Variants in KCNMA1 observed in about 807,000 individuals in gnomAD.
KCNMA1 encodes Calcium-activated potassium channel subunit alpha-1.
In KCNMA1, 29 loss-of-function variants were observed where a neutral mutation model predicts 140.0. That is an observed-to-expected ratio of 0.21 (90% CI 0.15 to 0.28). KCNMA1 has a LOEUF of 0.28. Ranked by LOEUF, KCNMA1 falls within the 10% of genes least tolerant of loss-of-function variation. KCNMA1 has a pLI of 1.00. For synonymous variants in KCNMA1, 612 were observed against 611.9 expected (o/e 1.00, Z 0.00); for missense variants, 880 against 1,602.2 (o/e 0.55, Z 7.70).
chr10:76,938,578 C>T (rs1591319441), intron 23 of KCNMA1, among the ~76,000 whole-genome samples: 1 of 152,216 alleles, frequency 6.6e-6, no homozygotes, highest in East Asian at 1.9e-4. Context: ...TCCCATCACT[C>T]TCTTGCTTTG....
At chr10:77,004,674 AAAATT>A (rs1251409966) in intron 18 of KCNMA1, among the ~76,000 whole-genome samples, 1 of 152,214 alleles carries the variant, frequency 6.6e-6, no homozygotes, top group Non-Finnish European at 1.5e-5. Context: ...CTTAAGTTGT[AAAATT>A]AAATTATATC....
intron 20 of KCNMA1, among the ~76,000 whole-genome samples, chr10:76,969,629 C>T (rs966839634): frequency 2.6e-5 from 4 of 152,200 alleles, no homozygotes; most frequent in Middle Eastern, 3.2e-3. Flanking sequence ...ACTAACCACA[C>T]GAGTTTCTCT....
chr10:76,914,548 C>CTCAGA, intron 24 of KCNMA1: 1 of 333,260 alleles, frequency 3.0e-6, no homozygotes, highest in Non-Finnish European at 5.6e-6. Context: ...CAGTGGAGGA[C>CTCAGA]TCAGATTGTA....
chr10:77,014,210 G>A lies in KCNMA1; in HGVS notation c.2016-2167C>T, dbSNP rs183451035. Among the ~76,000 whole-genome samples the A allele has an allele frequency of 5.3e-3, 812 of 152,212 alleles. 6 individuals are homozygous for A. The highest frequency in any genetic ancestry group is 8.3e-3 in the Non-Finnish European group (567 of 68,014). ...TGGGAGGCTGATGTGGATAGATCAC[G>A]AGGCCAGGAGTTTGAGACCAGCCTG... On this transcript the variant is annotated intron_variant, in intron 17 of 27. Coordinates refer to ENST00000286628, the MANE Select transcript of KCNMA1 (RefSeq NM_001161352.2).
chr10:77,631,312 A>G (rs2093180530), intron 1 of KCNMA1, among the ~76,000 whole-genome samples: 2 of 152,094 alleles, frequency 1.3e-5, no homozygotes, highest in African/African-American at 2.4e-5. Flanking sequence ...AAGCAGTTCT[A>G]AAAGAGACAT....
intron 19 of KCNMA1, among the ~76,000 whole-genome samples, chr10:76,977,082 C>T (rs915507044): frequency 2.0e-5 from 3 of 152,276 alleles, no homozygotes; most frequent in African/African-American, 7.2e-5. Context: ...CTCCCTACTC[C>T]CTACTCCTGA....
intron 24 of KCNMA1, chr10:76,913,926 A>G (rs2051494978): frequency 1.5e-6 from 1 of 668,904 alleles, no homozygotes; most frequent in African/African-American, 1.8e-5. Context: ...CAAATAAAAC[A>G]CATTCAAAGC....
chr10:77,269,660 G>A (rs1309129794), intron 2 of KCNMA1, among the ~76,000 whole-genome samples: 2 of 152,174 alleles, frequency 1.3e-5, no homozygotes, highest in Non-Finnish European at 2.9e-5. Context: ...AACAGCCAAT[G>A]GGTGGGATCT....
At chr10:77,017,873 T>G (rs188067899) in intron 17 of KCNMA1, among the ~76,000 whole-genome samples, 4,564 of 120,370 alleles carry the variant, frequency 0.038, 88 homozygotes, top group South Asian at 0.071. Flanking sequence ...CTCATGGGGT[T>G]GCGTGAGAGT....
intron 2 of KCNMA1, among the ~76,000 whole-genome samples, chr10:77,255,438 A>G (rs1228034483): frequency 1.3e-5 from 2 of 152,044 alleles, no homozygotes; most frequent in East Asian, 3.9e-4. Flanking sequence ...TGGCTCTACC[A>G]AAAAATGCAA....
At chr10:76,889,319 G>T (rs2038865838) in intron 27 of KCNMA1, 132 bp downstream of exon 27, 3 of 699,126 alleles carry the variant, frequency 4.3e-6, no homozygotes, top group Non-Finnish European at 7.6e-6. Context: ...CTCAGTGTTG[G>T]ATTTAATATG....
chr10:77,265,209 G>A (rs553329668), intron 2 of KCNMA1, among the ~76,000 whole-genome samples: 23 of 152,016 alleles, frequency 1.5e-4, no homozygotes, highest in East Asian at 1.2e-3. Context: ...GCACCACCAC[G>A]CCCAGCTAAG....
At chr10:77,362,083 C>G (rs375510960) in intron 2 of KCNMA1, among the ~76,000 whole-genome samples, 2 of 152,162 alleles carry the variant, frequency 1.3e-5, no homozygotes, top group African/African-American at 4.8e-5. Context: ...GCCTCTCCTG[C>G]GCTGTGTCCT....
intron 24 of KCNMA1, chr10:76,910,395 T>C: frequency 5.2e-6 from 2 of 387,142 alleles, no homozygotes; most frequent in South Asian, 4.4e-5. Context: ...AGCTTTAGGA[T>C]CATGACCTAA....
intron 19 of KCNMA1, among the ~76,000 whole-genome samples, chr10:76,998,779 T>G (rs971975457): frequency 1.3e-5 from 2 of 152,212 alleles, no homozygotes; most frequent in African/African-American, 4.8e-5. Context: ...GGATTGCTAT[T>G]GGAGCACTGC....
intron 23 of KCNMA1, among the ~76,000 whole-genome samples, chr10:76,920,020 G>GTGTGTGTATATATATATA (rs1177257916): frequency 2.9e-5 from 1 of 34,406 alleles, no homozygotes; most frequent in African/African-American, 1.1e-4. Context: ...GTGTGTGTGT[G>GTGTGTGTATATATATATA]TATATATATA....
chr10:76,876,039 A>T (rs2032318139), downstream of KCNMA1: 1 of 152,552 alleles, frequency 6.6e-6, no homozygotes, highest in Admixed American at 6.5e-5. Context: ...TACGAGGTGG[A>T]AGCACGACTA....
At chr10:77,181,122 G>A (rs1366777040) in intron 5 of KCNMA1, among the ~76,000 whole-genome samples, 1 of 152,136 alleles carries the variant, frequency 6.6e-6, no homozygotes, top group Non-Finnish European at 1.5e-5. Flanking sequence ...CAGGCCCACA[G>A]GGGACCAAGA....
chr10:77,599,331 C>CTT (rs1268765205), intron 1 of KCNMA1, among the ~76,000 whole-genome samples: 1 of 152,206 alleles, frequency 6.6e-6, no homozygotes, highest in African/African-American at 2.4e-5. Flanking sequence ...TGGCTCAACT[C>CTT]TGTTGCTTCT....
Sources: allele counts gnomAD v4.1 joint callset (sites outside exome capture counted in the v4.1 genomes callset), GRCh38; gene constraint gnomAD v4.1.1; transcripts MANE v1.5; gene names NCBI Gene and HGNC (gene_info 2026-07-23, HGNC 2026-07-21).